The following RET variants were observed in gnomAD, a reference collection of about 807,000 sequenced individuals.
RET encodes the protein ret proto-oncogene.
A neutral mutation model predicts 118.3 loss-of-function variants in RET; 19 were observed. That is an observed-to-expected ratio of 0.16 (90% CI 0.11 to 0.24). The LOEUF is 0.24. RET is among the 10% of genes least tolerant of loss of function. RET has a pLI of 1.00. For missense variants in RET, 1,219 were observed against 1,502.1 expected (o/e 0.81, Z 3.12); for synonymous variants, 597 against 644.1 (o/e 0.93, Z 1.11).
rs1837975551 is a variant in RET at position 43,112,936 on chromosome 10, A to G, written c.1732A>G (p.Ile578Val). 6.2e-7 allele frequency: 1 copy of G among 1,614,144 alleles called. No homozygotes were observed. Among genetic ancestry groups the G allele is most frequent in the African/African-American group, 1.3e-5 (1 of 75,036 alleles). ...GHCDVVETQDINICPQDCLRG... is the reference protein window; with the variant it reads ...GHCDVVETQDVNICPQDCLRG... ...CTGCGATGTTGTGGAGACCCAAGAC[A>G]TCAACATTTGCCCTCAGGACTGCCT... The change falls in exon 9 of 20, where the codon ATC becomes GTC. Residue 578 changes from isoleucine to valine, a missense_variant. Physicochemically the swap from Ile to Val is conservative, Grantham distance 29. This residue lies in a region of RET where 850 missense variants were observed against 969.6 expected (regional missense o/e 0.88). Coordinates refer to ENST00000355710, the MANE Select transcript of RET (RefSeq NM_020975.6).
chr10:43,079,305 G>A (rs72781213), intron 1 of RET, among the ~76,000 whole-genome samples: 92 of 152,222 alleles, frequency 6.0e-4, no homozygotes, highest in Non-Finnish European at 1.1e-3. Flanking sequence ...TCCACACAGG[G>A]ACCCCAGCCC....
intron 13 of RET, 137 bp downstream of exon 13, chr10:43,118,617 C>T: frequency 1.3e-6 from 1 of 751,498 alleles, no homozygotes; most frequent in African/African-American, 1.7e-5. Flanking sequence ...GGAAGCCTGG[C>T]TCAGGCCCCA....
chr10:43,118,357 C>T lies in RET; in HGVS notation c.2285-16C>T, dbSNP rs781027098. 2.2e-5 allele frequency: 36 copies of T among 1,605,394 alleles called. 1 individual carries two copies. In the South Asian group the frequency reaches 4.0e-4, roughly 18 times the overall value. Reference sequence around the variant, plus strand: ...CAGGAGCGATCGTTTGCAACCTGCTCTGTGCTGCATTTCAGAGAACGCCTC... The same window carrying T: ...CAGGAGCGATCGTTTGCAACCTGCTTTGTGCTGCATTTCAGAGAACGCCTC... On this transcript the variant is annotated splice_polypyrimidine_tract_variant and intron_variant, in intron 12 of 19. Transcript: ENST00000355710.
chr10:43,121,800 T>C, intron 15 of RET, 146 bp from the exon 16 acceptor site: 1 of 716,284 alleles, frequency 1.4e-6, no homozygotes, highest in South Asian at 1.4e-5. Context: ...CCTTCAAAGA[T>C]GTGTGTGGCC....
intron 7 of RET, 81 bp downstream of exon 7, chr10:43,111,546 G>T (rs2132780281): frequency 6.8e-7 from 1 of 1,479,014 alleles, no homozygotes; most frequent in Non-Finnish European, 9.1e-7. Context: ...GAGAAAAGCA[G>T]TACAGCTGCA....
rs1373899196 is a variant in RET at position 43,112,094 on chromosome 10, T to C, written c.1523-5T>C. 19 of 1,598,144 alleles carry C rather than the reference T, an allele frequency of 1.2e-5. No homozygotes were observed. The highest frequency in any genetic ancestry group is 5.2e-5 in the Admixed American group (3 of 58,106). The stretch of plus-strand genomic sequence containing the variant: ...CCTGTGACCCTGCTTGTCTGCCACC[T>C]GCAGATGTGGCCGAGGAGGCGGGCT... On this transcript the variant is annotated splice_polypyrimidine_tract_variant and splice_region_variant and intron_variant, in intron 7 of 19. Transcript: ENST00000355710.
chr10:43,128,542 G>A lies in RET; in HGVS notation c.*273G>A. The A allele has an allele frequency of 5.7e-6, 3 of 530,344 alleles. No homozygotes were observed. The South Asian group carries it at 6.0e-5, about 11-fold the overall frequency. 32.9% of individuals were successfully genotyped at this position (530,344 alleles called of 1,614,324 possible). A position where few individuals can be genotyped will look rare whatever the true frequency, so the allele number is the denominator to read the frequency against. ...TCTCTTCAGTGCCCAGCAGCACCCA[G>A]TGTTGGTCTGTGTCCATCAGTGACC... On this transcript the variant is annotated 3_prime_UTR_variant, in exon 20 of 20. Coordinates refer to ENST00000355710, the MANE Select transcript of RET (RefSeq NM_020975.6).
chr10:43,086,213 G>A (rs970498738), intron 1 of RET, among the ~76,000 whole-genome samples: 3 of 152,202 alleles, frequency 2.0e-5, no homozygotes, highest in Admixed American at 2.0e-4. Flanking sequence ...TGTGAGATGG[G>A]AATCCTCATG....
intron 1 of RET, among the ~76,000 whole-genome samples, chr10:43,091,550 G>A (rs1219798093): frequency 1.3e-5 from 2 of 151,030 alleles, no homozygotes; most frequent in Non-Finnish European, 2.9e-5. Flanking sequence ...AGAATCGCTT[G>A]AACTCAGGAG....
chr10:43,094,971 C>T (rs554942189), intron 1 of RET, among the ~76,000 whole-genome samples: 1 of 152,234 alleles, frequency 6.6e-6, no homozygotes, highest in East Asian at 1.9e-4. Context: ...CACGTGGTCC[C>T]TGAGACAGGA....
chr10:43,124,458 A>G (rs1838287508), intron 17 of RET, among the ~76,000 whole-genome samples: 1 of 152,120 alleles, frequency 6.6e-6, no homozygotes, highest in South Asian at 2.1e-4. Context: ...GTGATTGCCA[A>G]AGGTTCTTGT....
intron 1 of RET, among the ~76,000 whole-genome samples, chr10:43,077,801 C>T (rs1010053799): frequency 2.6e-5 from 4 of 152,216 alleles, no homozygotes; most frequent in African/African-American, 9.6e-5. Flanking sequence ...TCCGTGCGTT[C>T]CTCCCCCAGC....
At position 43,077,301 on chromosome 10, in the gene RET, TTGC is replaced by T. The variant is rs768132465; in HGVS notation, c.56_58del (p.Leu19del). On this transcript the variant is annotated inframe_deletion, in exon 1 of 20. Transcript: ENST00000355710. ...CGGTGCCGCGGGGCTGCGTCTGCTG[TTGC>T]TGCTGCTGCTGCCGCTGCTAGGCAA... 110 of 1,510,200 alleles carry T rather than the reference TTGC, an allele frequency of 7.3e-5. No homozygotes were observed. The highest frequency in any genetic ancestry group is 4.1e-4 in the East Asian group (16 of 38,634). 93.5% of individuals were successfully genotyped at this position (1,510,200 alleles called of 1,614,324 possible).
chr10:43,102,707 A>T (rs534586541), intron 3 of RET, 78 bp downstream of exon 3: 22 of 1,556,412 alleles, frequency 1.4e-5, no homozygotes, highest in Non-Finnish European at 1.9e-5. Flanking sequence ...GACACAAGCC[A>T]TCTGGTTTAT....
In RET at chr10:43,100,730, AGCC is replaced by A. The variant is rs2132665877; in HGVS notation, c.337+12_337+14del. On this transcript the variant is annotated intron_variant, in intron 2 of 19. Transcript: ENST00000355710. The stretch of plus-strand genomic sequence containing the variant: ...AGAAGCTCAGTGTCCGCAGTAAGGG[AGCC>A]GCCCCAACACCCACCCCGTGCCCCA... 1 of 1,587,134 alleles carries A rather than the reference AGCC, an allele frequency of 6.3e-7. No homozygotes were observed. The highest frequency in any genetic ancestry group is 8.6e-7 in the Non-Finnish European group (1 of 1,167,598).
At chr10:43,102,787 G>A (rs1196894073) in intron 3 of RET, 158 bp downstream of exon 3, 7 of 878,660 alleles carry the variant, frequency 8.0e-6, no homozygotes, top group Non-Finnish European at 1.3e-5. Context: ...CAGGGGCCAG[G>A]TACTGTTCTA....
At chr10:43,121,865 A>G (rs558726260) in intron 15 of RET, 81 bp from the exon 16 acceptor site, 24 of 1,042,314 alleles carry the variant, frequency 2.3e-5, no homozygotes, top group Non-Finnish European at 3.6e-5. Context: ...AAGCTCAGGG[A>G]TAGGGCCTGG....
intron 7 of RET, 121 bp downstream of exon 7, chr10:43,111,586 G>A (rs2132781437): frequency 8.7e-7 from 1 of 1,150,266 alleles, no homozygotes; most frequent in Admixed American, 2.4e-5. Flanking sequence ...GGAAGGCATG[G>A]ACCAGCTTCA....
intron 1 of RET, among the ~76,000 whole-genome samples, chr10:43,100,149 T>G (rs1357018433): frequency 6.6e-6 from 1 of 152,236 alleles, no homozygotes; most frequent in Admixed American, 6.5e-5. Context: ...TCTCCTGCCC[T>G]TGAACACTCT....
Sources: gnomAD v4.1 joint callset for allele counts (sites outside exome capture counted in the v4.1 genomes callset) on GRCh38, gnomAD v4.1.1 for gene constraint, gnomAD v4.1.1 regional missense constraint, MANE v1.5 for transcripts, NCBI Gene and HGNC (gene_info 2026-07-23, HGNC 2026-07-21) for gene names.